CYP2C18: variants seen among roughly 807,000 people sequenced by gnomAD.
CYP2C18 encodes cytochrome P450 2C18.
A neutral mutation model predicts 41.3 loss-of-function variants in CYP2C18; 38 were observed. That is an observed-to-expected ratio of 0.92 (90% CI 0.71 to 1.21). The LOEUF (loss-of-function observed/expected upper bound fraction) is 1.21, where lower values mean the gene tolerates loss of function less well. CYP2C18 is among the 50% of genes most tolerant of loss of function. The pLI is 0.00. For synonymous variants in CYP2C18, 236 were observed against 210.0 expected, an observed-to-expected ratio of 1.12 and a Z score of -1.07; for missense variants, 635 against 591.4, an observed-to-expected ratio of 1.07 and a Z score of -0.77.
chr10:94,727,685 T>G (rs1325251993), intron 7 of CYP2C18, among the ~76,000 whole-genome samples: 1 of 152,058 alleles, frequency 6.6e-6, no homozygotes, highest in African/African-American at 2.4e-5. Flanking sequence ...CTCCCCACTC[T>G]CCACATTACT....
chr10:94,733,318 C>T lies in CYP2C18; in HGVS notation c.1171C>T (p.Leu391=), dbSNP rs764062484. The change falls in exon 8 of 9, where the codon CTG becomes TTG. Residue 391 remains leucine, a synonymous_variant. Transcript: ENST00000285979. ...TCAGGGCACGACCATAATAACATCC[C>T]TGACTTCTGTGCTGCACAATGACAA... is the stretch of plus-strand genomic sequence containing the variant. ...IPKGTTIITS[L]TSVLHNDKEF... The T allele has an allele frequency of 2.2e-5, 36 of 1,612,882 alleles. No homozygotes were observed. In the Admixed American group the frequency reaches 3.2e-4, roughly 14 times the overall value.
intron 4 of CYP2C18, among the ~76,000 whole-genome samples, chr10:94,696,868 G>A (rs1847127554): frequency 2.6e-5 from 4 of 152,292 alleles, no homozygotes; most frequent in African/African-American, 9.6e-5. Context: ...TCAACTGGAA[G>A]AAAGGGTATC....
rs753053283 is a variant in CYP2C18, at chr10:94,735,451, G to A, written c.*7G>A. 1.1e-5 allele frequency: 17 copies of A among 1,613,060 alleles called. No homozygotes were observed. Among genetic ancestry groups the A allele is most frequent in the Non-Finnish European group, 1.4e-5 (16 of 1,179,266 alleles). On this transcript the variant is annotated 3_prime_UTR_variant, in exon 9 of 9. Coordinates refer to ENST00000285979, the MANE Select transcript of CYP2C18 (RefSeq NM_000772.3). ...CTGCTTCATTCCTGTCTGAAGAAGG[G>A]CAGATAGTTTGGCTGCTCCTGTGCT...
chr10:94,727,456 A>G (rs919665687), intron 7 of CYP2C18, among the ~76,000 whole-genome samples: 1 of 152,068 alleles, frequency 6.6e-6, no homozygotes, highest in African/African-American at 2.4e-5. Flanking sequence ...CTCTACAAAA[A>G]ATAAAAAAAT....
At chr10:94,735,160 C>T in intron 8 of CYP2C18, 103 bp from the exon 9 acceptor site, 4 of 1,178,014 alleles carry the variant, frequency 3.4e-6, no homozygotes, top group South Asian at 2.7e-5. Flanking sequence ...GCCTTCGATC[C>T]ATCCATCTAT....
chr10:94,703,277 G>A (rs1195855074), intron 4 of CYP2C18, among the ~76,000 whole-genome samples: 1 of 152,206 alleles, frequency 6.6e-6, no homozygotes, highest in East Asian at 1.9e-4. Context: ...TGGGAGATCT[G>A]CTGCTCTCTT....
At chr10:94,734,940 GA>G (rs978757877) in intron 8 of CYP2C18, among the ~76,000 whole-genome samples, 13 of 152,152 alleles carry the variant, frequency 8.5e-5, no homozygotes, top group Non-Finnish European at 1.8e-4. Context: ...TCTTCCCTGT[GA>G]ATGCATTTCT....
At position 94,687,723 on chromosome 10, in the gene CYP2C18, C is replaced by G. The variant is rs767629969; in HGVS notation, c.169-47C>G. On this transcript the variant is annotated intron_variant, in intron 1 of 8. Coordinates refer to ENST00000285979, the MANE Select transcript of CYP2C18 (RefSeq NM_000772.3). ...TCTGAATCACGGACAATATATAGACCAAATACTGAGTTTTGCTACTATTTG... is the reference window on the plus strand; with the variant it reads ...TCTGAATCACGGACAATATATAGACGAAATACTGAGTTTTGCTACTATTTG... The G allele has an allele frequency of 1.9e-6, 3 of 1,544,492 alleles. No individual in the cohort carries two copies. In the South Asian group the frequency reaches 3.5e-5, roughly 18 times the overall value.
intron 3 of CYP2C18, among the ~76,000 whole-genome samples, chr10:94,692,212 G>C (rs1398280317): frequency 6.6e-6 from 1 of 151,922 alleles, no homozygotes; most frequent in Non-Finnish European, 1.5e-5. Flanking sequence ...CACAGCAAAA[G>C]AAACCACCAT....
intron 7 of CYP2C18, among the ~76,000 whole-genome samples, chr10:94,731,014 A>G (rs940239465): frequency 2.1e-4 from 32 of 152,232 alleles, no homozygotes; most frequent in African/African-American, 7.5e-4. Context: ...CACTACTGAA[A>G]GAAATCATAG....
intron 4 of CYP2C18, among the ~76,000 whole-genome samples, chr10:94,705,870 G>A (rs569483329): frequency 6.6e-5 from 10 of 152,216 alleles, no homozygotes; most frequent in African/African-American, 2.4e-4. Flanking sequence ...TTAGCTGGTG[G>A]TTTTTCCCAC....
At chr10:94,687,101 C>T (rs1846901542) in intron 1 of CYP2C18, among the ~76,000 whole-genome samples, 1 of 152,188 alleles carries the variant, frequency 6.6e-6, no homozygotes, top group Non-Finnish European at 1.5e-5. Context: ...TACAAAGCTG[C>T]TGTCTGTGAC....
intron 2 of CYP2C18, 26 bp from the exon 3 acceptor site, chr10:94,688,099 G>T (rs775399047): frequency 1.9e-6 from 3 of 1,613,080 alleles, no homozygotes; most frequent in South Asian, 2.2e-5. Context: ...ATTCTCCCTC[G>T]TAGCTTCTGT....
intron 5 of CYP2C18, among the ~76,000 whole-genome samples, chr10:94,713,951 T>C (rs895963218): frequency 5.3e-5 from 8 of 152,242 alleles, no homozygotes; most frequent in Non-Finnish European, 8.8e-5. Context: ...CATTTTTTCA[T>C]GTGTCTGTTG....
chr10:94,688,698 T>C (rs1846942231), intron 3 of CYP2C18, among the ~76,000 whole-genome samples: 1 of 152,202 alleles, frequency 6.6e-6, no homozygotes, highest in South Asian at 2.1e-4. Flanking sequence ...GCTGTGAGTA[T>C]AAAAGGCTCA....
chr10:94,696,106 T>A (rs907034632), intron 4 of CYP2C18, among the ~76,000 whole-genome samples: 10 of 152,042 alleles, frequency 6.6e-5, no homozygotes, highest in African/African-American at 2.2e-4. Flanking sequence ...GACTTAAATG[T>A]CCCTGTCTGA....
At chr10:94,687,064 G>A (rs1359641258) in intron 1 of CYP2C18, among the ~76,000 whole-genome samples, 3 of 152,136 alleles carry the variant, frequency 2.0e-5, no homozygotes, top group Admixed American at 1.3e-4. Flanking sequence ...GGCCATCTGG[G>A]TGGTAACAGA....
chr10:94,695,053 G>C lies in CYP2C18; in HGVS notation c.618G>C (p.Arg206Ser). The C allele has an allele frequency of 6.2e-7, 1 of 1,612,544 alleles. No homozygotes were observed. Among genetic ancestry groups the C allele is most frequent in the Non-Finnish European group, 8.5e-7 (1 of 1,179,710 alleles). Residue 206 changes from arginine to serine, a missense_variant, in exon 4 of 9, where the codon AGG (arginine) becomes AGC (serine). Arg to Ser is a moderately radical substitution (Grantham distance 110, BLOSUM62 -1). Coordinates refer to ENST00000285979, the MANE Select transcript of CYP2C18 (RefSeq NM_000772.3). The part of the protein sequence containing the change: ...NLMEKFNENL[R>S]ILSSPWIQVC... ...TGGAAAAATTCAATGAAAACCTCAG[G>C]ATTCTGAGCTCTCCATGGATCCAGG...
chr10:94,703,404 G>A (rs921801077), intron 4 of CYP2C18, among the ~76,000 whole-genome samples: 1 of 152,216 alleles, frequency 6.6e-6, no homozygotes, highest in African/African-American at 2.4e-5. Flanking sequence ...TACTGGGGCT[G>A]CTGCCTTTAT....
Sources: gnomAD v4.1 joint callset for allele counts (sites outside exome capture counted in the v4.1 genomes callset) on GRCh38, gnomAD v4.1.1 for gene constraint, MANE v1.5 for transcripts, NCBI Gene and HGNC (gene_info 2026-07-23, HGNC 2026-07-21) for gene names.